CDH13: variants seen among roughly 807,000 people sequenced by gnomAD.
CDH13 encodes cadherin 13.
In CDH13, 24 loss-of-function variants were observed where a neutral mutation model predicts 63.8. The ratio of observed to expected loss-of-function variants is 0.38; its 90% CI spans 0.27 to 0.53. The LOEUF is 0.53. Ranked by LOEUF, CDH13 falls within the 20% of genes least tolerant of loss-of-function variation. CDH13 has a pLI of 0.85. For synonymous variants in CDH13, 503 were observed against 355.3 expected, an observed-to-expected ratio of 1.42 and a Z score of -4.67; for missense variants, 1,049 against 903.1, an observed-to-expected ratio of 1.16 and a Z score of -2.07.
At chr16:82,945,868 C>A (rs1904656386) in intron 2 of CDH13, among the ~76,000 whole-genome samples, 1 of 152,114 alleles carries the variant, frequency 6.6e-6, no homozygotes, top group African/African-American at 2.4e-5. Flanking sequence ...AAAGACTCTT[C>A]CTCTGAGTCA....
intron 7 of CDH13, among the ~76,000 whole-genome samples, chr16:83,573,468 C>G (rs935037054): frequency 6.6e-6 from 1 of 152,198 alleles, no homozygotes; most frequent in African/African-American, 2.4e-5. Flanking sequence ...GTGACCAGCA[C>G]TTGTGACACA....
chr16:83,100,030 A>G (rs1197467047), intron 3 of CDH13, among the ~76,000 whole-genome samples: 2 of 152,110 alleles, frequency 1.3e-5, no homozygotes, highest in Non-Finnish European at 2.9e-5. Flanking sequence ...AGTAAACACA[A>G]TTTAGCATCT....
chr16:83,041,306 C>T (rs1340005579), intron 3 of CDH13, among the ~76,000 whole-genome samples: 1 of 152,044 alleles, frequency 6.6e-6, no homozygotes, highest in Non-Finnish European at 1.5e-5. Flanking sequence ...GCTCGTTTAT[C>T]ATGCTTGTTC....
Position 83,125,460 on chromosome 16 carries a change from C to G in CDH13, c.442C>G (p.Pro148Ala). 1 of 1,611,024 alleles carries G rather than the reference C, an allele frequency of 6.2e-7. No homozygotes were observed. Among genetic ancestry groups the G allele is most frequent in the African/African-American group, 1.3e-5 (1 of 74,960 alleles). ...RSIVVSPILI[P>A]ENQRQPFPRD... is the part of the protein sequence containing the mutation. ...CATTGTGGTATCTCCCATTTTAATTCCAGAGAATCAGAGACAGCCTTTCCC... is the reference window on the plus strand; with the variant it reads ...CATTGTGGTATCTCCCATTTTAATTGCAGAGAATCAGAGACAGCCTTTCCC... The change falls in exon 4 of 14, where the codon CCA (proline) becomes GCA (alanine). Residue 148 changes from proline to alanine, a missense_variant. Pro to Ala is a conservative substitution (Grantham distance 27). Coordinates refer to ENST00000567109, the MANE Select transcript of CDH13 (RefSeq NM_001257.5).
At chr16:82,947,001 C>G (rs994346700) in intron 2 of CDH13, among the ~76,000 whole-genome samples, 1 of 110,476 alleles carries the variant, frequency 9.1e-6, no homozygotes, top group Non-Finnish European at 1.9e-5. Context: ...TAAGTGCGCA[C>G]GCCTGTGTGT....
At chr16:83,410,008 T>G (rs1029672404) in intron 6 of CDH13, among the ~76,000 whole-genome samples, 1 of 152,254 alleles carries the variant, frequency 6.6e-6, no homozygotes, top group Non-Finnish European at 1.5e-5. Flanking sequence ...GTGAAACAAC[T>G]TTTATCAAAA....
chr16:83,025,365 T>C (rs1915704225), intron 2 of CDH13, among the ~76,000 whole-genome samples: 1 of 152,168 alleles, frequency 6.6e-6, no homozygotes, highest in Non-Finnish European at 1.5e-5. Flanking sequence ...GACTCACAGT[T>C]CAGCATGGCT....
At chr16:82,950,699 A>G (rs1905203488) in intron 2 of CDH13, among the ~76,000 whole-genome samples, 2 of 152,110 alleles carry the variant, frequency 1.3e-5, no homozygotes, top group Admixed American at 1.3e-4. Flanking sequence ...CTAATACAGG[A>G]TACCAGTGAT....
Position 83,687,659 on chromosome 16 carries a change from G to A in CDH13, c.1538+9198G>A, listed in dbSNP as rs1160805652. On this transcript the variant is annotated intron_variant, in intron 10 of 13. Transcript: ENST00000567109. ...TTTTAATCTTCAAACATTGACTAAT[G>A]TCTACCAACCATGAAAACATTTACA... Among the ~76,000 whole-genome samples the A allele has an allele frequency of 3.9e-5, 6 of 152,296 alleles. No individual in the cohort carries two copies. The East Asian group carries it at 1.2e-3, about 29-fold the overall frequency.
intron 1 of CDH13, among the ~76,000 whole-genome samples, chr16:82,668,368 C>G (rs16958059): frequency 1.3e-5 from 2 of 152,056 alleles, no homozygotes; most frequent in Admixed American, 6.6e-5. Context: ...ATTGCCTAAG[C>G]TGTTATTGGT....
intron 2 of CDH13, among the ~76,000 whole-genome samples, chr16:82,900,439 C>A (rs1355573229): frequency 1.6e-5 from 2 of 127,848 alleles, no homozygotes; most frequent in Non-Finnish European, 3.4e-5. Context: ...AGGGATGATA[C>A]AGACAAGACA....
intron 2 of CDH13, among the ~76,000 whole-genome samples, chr16:82,906,431 C>T (rs1192024592): frequency 6.6e-6 from 1 of 152,082 alleles, no homozygotes; most frequent in Non-Finnish European, 1.5e-5. Context: ...AATCATGAAC[C>T]CACTTGTACT....
intron 6 of CDH13, among the ~76,000 whole-genome samples, chr16:83,485,014 CA>C (rs1454006965): frequency 3.3e-5 from 5 of 152,194 alleles, no homozygotes. Context: ...TGCTGAACCC[CA>C]AACATTCCTC....
chr16:83,786,274 C>T (rs929985957), intron 13 of CDH13, among the ~76,000 whole-genome samples: 4 of 152,122 alleles, frequency 2.6e-5, no homozygotes, highest in Admixed American at 1.3e-4. Context: ...ATTGGCTTGC[C>T]GTACACAATT....
chr16:83,745,232 G>A (rs944974521), intron 10 of CDH13, among the ~76,000 whole-genome samples: 6 of 152,152 alleles, frequency 3.9e-5, no homozygotes, highest in African/African-American at 1.4e-4. Context: ...CAGGCCAGAC[G>A]CCTTCCAGGA....
chr16:83,484,005 C>A (rs1246335688), intron 6 of CDH13, among the ~76,000 whole-genome samples: 3 of 152,116 alleles, frequency 2.0e-5, no homozygotes, highest in Non-Finnish European at 2.9e-5. Flanking sequence ...GAGACCATCT[C>A]ACAGGGCAAA....
intron 4 of CDH13, among the ~76,000 whole-genome samples, chr16:83,149,572 C>T (rs955256839): frequency 1.3e-5 from 2 of 152,170 alleles, no homozygotes; most frequent in African/African-American, 4.8e-5. Flanking sequence ...ATACCCTATT[C>T]TTTGTCTACT....
chr16:83,195,736 T>C (rs1269792688), intron 4 of CDH13, among the ~76,000 whole-genome samples: 1 of 151,880 alleles, frequency 6.6e-6, no homozygotes, highest in African/African-American at 2.4e-5. Flanking sequence ...CTAGCAACAG[T>C]CATCAAGATA....
chr16:83,134,575 G>C (rs1478337539), intron 4 of CDH13, among the ~76,000 whole-genome samples: 1 of 62,312 alleles, frequency 1.6e-5, no homozygotes, highest in Non-Finnish European at 3.1e-5. Context: ...GAGAGAGAGA[G>C]AGAGAGAGAG....
Sources: gnomAD v4.1 joint callset for allele counts (sites outside exome capture counted in the v4.1 genomes callset) on GRCh38, gnomAD v4.1.1 for gene constraint, MANE v1.5 for transcripts, NCBI Gene and HGNC (gene_info 2026-07-23, HGNC 2026-07-21) for gene names.